RUSC2: variants seen among roughly 807,000 people sequenced by gnomAD.
RUSC2 encodes the protein AP-4 complex accessory subunit RUSC2.
Under a neutral mutation model 122.2 loss-of-function variants are expected in RUSC2, and 34 were observed. That is an observed-to-expected ratio of 0.28 (90% CI 0.21 to 0.37). The LOEUF (loss-of-function observed/expected upper bound fraction) is 0.37, where lower values mean the gene tolerates loss of function less well. Ranked by LOEUF, RUSC2 falls within the 10% of genes least tolerant of loss-of-function variation. The pLI is 1.00. For missense variants in RUSC2, 1,747 were observed against 1,952.4 expected (o/e 0.89, Z 1.98); for synonymous variants, 784 against 790.0 (o/e 0.99, Z 0.13).
In RUSC2 at chr9:35,553,810, C is replaced by T. The variant is rs190298307; in HGVS notation, c.2015-1250C>T. ...GTGTCCCCTGGGAGTGATTCAGAAGCACCTCCCTAATGGGATTGTGGTCCC... is the reference window on the plus strand; with the variant it reads ...GTGTCCCCTGGGAGTGATTCAGAAGTACCTCCCTAATGGGATTGTGGTCCC... On this transcript the variant is annotated intron_variant, in intron 2 of 11. Transcript: ENST00000361226. Among the ~76,000 whole-genome samples the T allele has an allele frequency of 2.0e-3, 309 of 152,276 alleles. 3 individuals carry two copies. The highest frequency in any genetic ancestry group is 0.02 in the South Asian group (96 of 4,824).
At chr9:35,492,985 G>GTT (rs1564238711) in intron 1 of RUSC2, among the ~76,000 whole-genome samples, 1 of 151,142 alleles carries the variant, frequency 6.6e-6, no homozygotes, top group Non-Finnish European at 1.5e-5. Flanking sequence ...TTGTTTTTTG[G>GTT]GTTTTTTTTT....
chr9:35,527,337 T>A (rs1448377783), intron 1 of RUSC2, among the ~76,000 whole-genome samples: 2 of 151,824 alleles, frequency 1.3e-5, no homozygotes. Context: ...TATGTACATG[T>A]GTATGTATCT....
chr9:35,504,923 G>C (rs921446568), intron 1 of RUSC2, among the ~76,000 whole-genome samples: 1 of 152,208 alleles, frequency 6.6e-6, no homozygotes, highest in Non-Finnish European at 1.5e-5. Flanking sequence ...ATGGGGATTT[G>C]CTCCTTCATG....
In RUSC2 at chr9:35,540,472, G is replaced by A. The variant is rs1376070146; in HGVS notation, c.-92-5958G>A. On this transcript the variant is annotated intron_variant, in intron 1 of 11. Coordinates refer to ENST00000361226, the MANE Select transcript of RUSC2 (RefSeq NM_014806.5). ...GTAGTGCCATGTTGTGCAACTATAT[G>A]GTTAAGGAATATGCTGGATAGTTAT... Among the ~76,000 whole-genome samples, 3 of 152,198 alleles carry A rather than the reference G, an allele frequency of 2.0e-5. No individual in the cohort carries two copies. In the East Asian group the frequency reaches 5.8e-4, roughly 29 times the overall value.
intron 1 of RUSC2, among the ~76,000 whole-genome samples, chr9:35,537,837 ATC>A (rs1409391929): frequency 6.6e-6 from 1 of 152,176 alleles, no homozygotes; most frequent in Non-Finnish European, 1.5e-5. Context: ...GCTTAAGACT[ATC>A]TCTGTGTTCA....
At chr9:35,521,996 G>A (rs1195674269) in intron 1 of RUSC2, among the ~76,000 whole-genome samples, 1 of 152,150 alleles carries the variant, frequency 6.6e-6, no homozygotes, top group Admixed American at 6.5e-5. Context: ...TCTCTTTACA[G>A]TTCAGTCCTA....
At chr9:35,529,822 C>G (rs1339655982) in intron 1 of RUSC2, among the ~76,000 whole-genome samples, 1 of 152,156 alleles carries the variant, frequency 6.6e-6, no homozygotes, top group Non-Finnish European at 1.5e-5. Context: ...TACTAAGGCT[C>G]AGCTTTCAGT....
chr9:35,547,916 C>A lies in RUSC2; in HGVS notation c.1395C>A (p.Thr465=). 6.2e-7 allele frequency: 1 copy of A among 1,614,214 alleles called. No homozygotes were observed. The highest frequency in any genetic ancestry group is 8.5e-7 in the Non-Finnish European group (1 of 1,180,048). The change falls in exon 2 of 12, where the codon ACC becomes ACA. Residue 465 remains threonine, a synonymous_variant. Coordinates refer to ENST00000361226, the MANE Select transcript of RUSC2 (RefSeq NM_014806.5). The surrounding 1 kb of genome is among the most constrained non-coding windows in gnomAD (Gnocchi z 4.6). The stretch of plus-strand genomic sequence containing the variant: ...AACAAGAAGCAGTGAGTTCCTCCAC[C>A]CAAGCAGCAGCTGCTGTGGGCCCCA... The part of the protein sequence containing the change: ...PEEQEAVSSS[T]QAAAAVGPTV...
chr9:35,554,963 C>A, intron 2 of RUSC2, 97 bp from the exon 3 acceptor site: 1 of 1,432,140 alleles, frequency 7.0e-7, no homozygotes, highest in Non-Finnish European at 9.7e-7. Context: ...CAGCCAGGTC[C>A]CTGCCCCTCT....
intron 1 of RUSC2, among the ~76,000 whole-genome samples, chr9:35,504,614 C>T (rs539080061): frequency 9.9e-5 from 15 of 151,980 alleles, no homozygotes; most frequent in East Asian, 3.9e-4. Context: ...TACAGGTGTG[C>T]GCCACCACGC....
At chr9:35,540,079 G>GA (rs1224226834) in intron 1 of RUSC2, among the ~76,000 whole-genome samples, 2 of 152,164 alleles carry the variant, frequency 1.3e-5, no homozygotes, top group Non-Finnish European at 2.9e-5. Flanking sequence ...TGAGCAGGTA[G>GA]AAAGAGTTCC....
At chr9:35,554,700 C>T (rs769255484) in intron 2 of RUSC2, among the ~76,000 whole-genome samples, 5 of 152,092 alleles carry the variant, frequency 3.3e-5, no homozygotes, top group African/African-American at 4.8e-5. Context: ...AGAGGAAGGT[C>T]CAGGCTAAAG....
At chr9:35,531,786 G>C (rs917707901) in intron 1 of RUSC2, among the ~76,000 whole-genome samples, 1 of 152,212 alleles carries the variant, frequency 6.6e-6, no homozygotes, top group Non-Finnish European at 1.5e-5. Context: ...AGCACTTTGG[G>C]AGGCCAAGGC....
intron 1 of RUSC2, among the ~76,000 whole-genome samples, chr9:35,524,700 A>G (rs1193891108): frequency 3.3e-5 from 5 of 152,188 alleles, no homozygotes; most frequent in East Asian, 1.9e-4. Flanking sequence ...GGCCGGGTGC[A>G]GTGGCTCACG....
At chr9:35,523,822 TA>T (rs545713127) in intron 1 of RUSC2, among the ~76,000 whole-genome samples, 49 of 138,982 alleles carry the variant, frequency 3.5e-4, no homozygotes, top group Admixed American at 2.9e-4. Context: ...CTCAAAAAAT[TA>T]AAAAAAAAAA....
intron 1 of RUSC2, among the ~76,000 whole-genome samples, chr9:35,498,586 C>T (rs929729024): frequency 7.9e-5 from 12 of 150,994 alleles, no homozygotes; most frequent in Non-Finnish European, 1.6e-4. Flanking sequence ...AGGCCAGGCG[C>T]GGTGGCTCAC....
intron 1 of RUSC2, among the ~76,000 whole-genome samples, chr9:35,494,956 A>ATAT (rs1179296668): frequency 1.6e-5 from 2 of 122,338 alleles, no homozygotes. Context: ...TATATTATAC[A>ATAT]TATATAAAAT....
intron 1 of RUSC2, among the ~76,000 whole-genome samples, chr9:35,544,166 G>C (rs1821698030): frequency 6.6e-6 from 1 of 152,076 alleles, no homozygotes; most frequent in Non-Finnish European, 1.5e-5. Flanking sequence ...CTGGAGTGAA[G>C]TAGTATCTCA....
Position 35,558,039 on chromosome 9 carries a change from T to C in RUSC2, c.3060+49T>C. The C allele has an allele frequency of 6.3e-7, 1 of 1,586,022 alleles. No homozygotes were observed. The highest frequency in any genetic ancestry group is 8.7e-7 in the Non-Finnish European group (1 of 1,154,590). ...TGAGCTCTGCCTGCAAGCCCTCACC[T>C]GTCCCGCGCTACCACCTTCCCTTGC... On this transcript the variant is annotated intron_variant, in intron 6 of 11. Transcript: ENST00000361226. This position sits in a 1 kb window ranked among gnomAD's most constrained non-coding sequence, Gnocchi z 4.3.
Sources: allele counts gnomAD v4.1 joint callset (sites outside exome capture counted in the v4.1 genomes callset), GRCh38; gene constraint gnomAD v4.1.1; non-coding constraint Gnocchi (gnomAD v3.1); transcripts MANE v1.5; gene names NCBI Gene and HGNC (gene_info 2026-07-23, HGNC 2026-07-21).